Variants in GRID1 observed in about 807,000 individuals in gnomAD.
GRID1 encodes glutamate ionotropic receptor delta type subunit 1, also known as glutamate receptor ionotropic, delta-1.
A neutral mutation model predicts 98.0 loss-of-function variants in GRID1; 28 were observed. The ratio of observed to expected loss-of-function variants is 0.29; its 90% CI spans 0.21 to 0.39. The LOEUF is 0.39. GRID1 is among the 10% of genes least tolerant of loss of function. GRID1 has a pLI of 1.00. For missense variants in GRID1, 1,111 were observed against 1,340.5 expected, an observed-to-expected ratio of 0.83 and a Z score of 2.67; for synonymous variants, 553 against 538.5, an observed-to-expected ratio of 1.03 and a Z score of -0.37.
chr10:86,149,657 C>A (rs532691586), intron 3 of GRID1, among the ~76,000 whole-genome samples: 1 of 152,236 alleles, frequency 6.6e-6, no homozygotes. Context: ...AAACACACCA[C>A]GCTGCATTAA....
At chr10:86,250,779 C>T (rs1846813930) in intron 2 of GRID1, among the ~76,000 whole-genome samples, 3 of 151,576 alleles carry the variant, frequency 2.0e-5, no homozygotes, top group Admixed American at 6.6e-5. Flanking sequence ...CCCCTCTGCC[C>T]GGCCGCCACC....
intron 2 of GRID1, among the ~76,000 whole-genome samples, chr10:86,274,488 A>C (rs2132063753): frequency 6.6e-6 from 1 of 152,328 alleles, no homozygotes; most frequent in Non-Finnish European, 1.5e-5. Context: ...TTGAATCTAT[A>C]AATTACCTTG....
chr10:85,861,776 G>T (rs1346762613), intron 6 of GRID1, among the ~76,000 whole-genome samples: 1 of 152,212 alleles, frequency 6.6e-6, no homozygotes, highest in Non-Finnish European at 1.5e-5. Context: ...TGGAAGGCAT[G>T]TGCTCTGCAC....
chr10:85,869,998 G>C (rs1044264341), intron 5 of GRID1, among the ~76,000 whole-genome samples: 1 of 152,192 alleles, frequency 6.6e-6, no homozygotes, highest in Non-Finnish European at 1.5e-5. Flanking sequence ...ACAAGGGGTG[G>C]ACTTGTGATG....
chr10:85,891,164 CT>C (rs1335400372), intron 5 of GRID1, among the ~76,000 whole-genome samples: 10 of 152,118 alleles, frequency 6.6e-5, no homozygotes, highest in African/African-American at 1.9e-4. Context: ...AAAATGAGAC[CT>C]TATGTTTCAC....
At chr10:85,837,163 C>T (rs942042387) in intron 8 of GRID1, among the ~76,000 whole-genome samples, 1 of 152,094 alleles carries the variant, frequency 6.6e-6, no homozygotes, top group African/African-American at 2.4e-5. Flanking sequence ...CACTAGTGTC[C>T]CATACTTGTG....
intron 3 of GRID1, among the ~76,000 whole-genome samples, chr10:86,179,254 T>C (rs953379994): frequency 6.6e-6 from 1 of 152,048 alleles, no homozygotes; most frequent in Non-Finnish European, 1.5e-5. Context: ...GCCAGGCTTG[T>C]CTCACAGCAG....
intron 12 of GRID1, among the ~76,000 whole-genome samples, chr10:85,678,659 T>C (rs1378714962): frequency 6.6e-6 from 1 of 152,130 alleles, no homozygotes; most frequent in African/African-American, 2.4e-5. Context: ...CTTCTTTACC[T>C]TGCCTCTGGC....
intron 5 of GRID1, among the ~76,000 whole-genome samples, chr10:85,870,313 C>G (rs1368106972): frequency 6.6e-6 from 1 of 152,228 alleles, no homozygotes; most frequent in Non-Finnish European, 1.5e-5. Flanking sequence ...CTTGTACTTA[C>G]ACCAGCGATT....
chr10:86,021,092 T>C (rs1230438845), intron 4 of GRID1, among the ~76,000 whole-genome samples: 1 of 152,022 alleles, frequency 6.6e-6, no homozygotes, highest in Non-Finnish European at 1.5e-5. Context: ...GATAAAAGTG[T>C]CTGAGAGCCA....
chr10:86,077,675 T>C (rs1238005528), intron 4 of GRID1, among the ~76,000 whole-genome samples: 6 of 152,200 alleles, frequency 3.9e-5, no homozygotes, highest in African/African-American at 1.2e-4. Context: ...CTGTCCCCAC[T>C]CTAATTTGAC....
intron 3 of GRID1, among the ~76,000 whole-genome samples, chr10:86,185,875 A>T (rs889360043): frequency 1.4e-4 from 21 of 152,216 alleles, no homozygotes; most frequent in African/African-American, 5.1e-4. Flanking sequence ...TATGAAGGAC[A>T]TCAGTTTAAT....
intron 2 of GRID1, among the ~76,000 whole-genome samples, chr10:86,350,208 A>C (rs1848444081): frequency 6.6e-6 from 1 of 152,240 alleles, no homozygotes; most frequent in African/African-American, 2.4e-5. Context: ...AGGTAAGTTC[A>C]GCTTTTGTCG....
intron 3 of GRID1, among the ~76,000 whole-genome samples, chr10:86,186,264 C>T (rs971641453): frequency 7.2e-5 from 11 of 152,156 alleles, no homozygotes; most frequent in Non-Finnish European, 1.3e-4. Context: ...AGTGATGTCA[C>T]CTTTCTCATT....
chr10:85,904,850 G>T (rs951575999), intron 5 of GRID1, among the ~76,000 whole-genome samples: 3 of 152,048 alleles, frequency 2.0e-5, no homozygotes, highest in East Asian at 1.9e-4. Flanking sequence ...CATCAGTGAC[G>T]TGTGGGATAA....
chr10:86,270,519 G>A (rs1847168728), intron 2 of GRID1, among the ~76,000 whole-genome samples: 1 of 152,102 alleles, frequency 6.6e-6, no homozygotes, highest in African/African-American at 2.4e-5. Flanking sequence ...GTGCAGCCCT[G>A]TCTCTAGCAA....
intron 12 of GRID1, among the ~76,000 whole-genome samples, chr10:85,701,448 G>A (rs569418301): frequency 3.9e-5 from 6 of 152,032 alleles, no homozygotes; most frequent in Non-Finnish European, 7.4e-5. Flanking sequence ...GTATCAATCC[G>A]AATGCTAGAA....
intron 3 of GRID1, among the ~76,000 whole-genome samples, chr10:86,179,876 A>G (rs1845629995): frequency 6.6e-6 from 1 of 152,206 alleles, no homozygotes; most frequent in Non-Finnish European, 1.5e-5. Context: ...CGTAAAGTGG[A>G]GAGAAGAGGA....
chr10:86,249,116 C>A (rs1846780057), intron 2 of GRID1, among the ~76,000 whole-genome samples: 2 of 152,212 alleles, frequency 1.3e-5, no homozygotes, highest in African/African-American at 4.8e-5. Context: ...CCTCCTGTTC[C>A]CAAATACCTT....
Sources: allele counts gnomAD v4.1 joint callset (sites outside exome capture counted in the v4.1 genomes callset), GRCh38; gene constraint gnomAD v4.1.1; transcripts MANE v1.5; gene names NCBI Gene and HGNC (gene_info 2026-07-23, HGNC 2026-07-21).